Variants in HP1BP3 observed in about 807,000 individuals in gnomAD.
HP1BP3 encodes the protein heterochromatin protein 1 binding protein 3.
A neutral mutation model predicts 62.5 loss-of-function variants in HP1BP3; 12 were observed. That is an observed-to-expected ratio of 0.19 (90% CI 0.12 to 0.31). The LOEUF is 0.31. Ranked by LOEUF, HP1BP3 falls within the 10% of genes least tolerant of loss-of-function variation. HP1BP3 has a pLI of 1.00. For synonymous variants in HP1BP3, 260 were observed against 237.8 expected (o/e 1.09, Z -0.86); for missense variants, 502 against 651.8 (o/e 0.77, Z 2.50).
intron 11 of HP1BP3, 34 bp from the exon 12 acceptor site, chr1:20,745,690 C>A (rs775393440): frequency 3.7e-5 from 59 of 1,608,372 alleles, no homozygotes; most frequent in Non-Finnish European, 4.5e-5. Flanking sequence ...AAACACAAGT[C>A]CCATATAAAA....
At chr1:20,785,859 T>G (rs1000400751) in intron 1 of HP1BP3, among the ~76,000 whole-genome samples, 8 of 152,126 alleles carry the variant, frequency 5.3e-5, no homozygotes, top group Non-Finnish European at 8.8e-5. Flanking sequence ...AGCTAACAAG[T>G]TTTTTGCCTA....
intron 8 of HP1BP3, among the ~76,000 whole-genome samples, chr1:20,764,789 C>T (rs958942019): frequency 2.6e-5 from 4 of 151,256 alleles, no homozygotes; most frequent in East Asian, 3.9e-4. Context: ...GCAGGAAAAT[C>T]GCTTGAACCC....
At chr1:20,755,593 T>C (rs1006180689) in intron 9 of HP1BP3, among the ~76,000 whole-genome samples, 1 of 151,980 alleles carries the variant, frequency 6.6e-6, no homozygotes, top group Non-Finnish European at 1.5e-5. Flanking sequence ...ACAAAACGAC[T>C]TGAGCCCTTA....
intron 8 of HP1BP3, among the ~76,000 whole-genome samples, chr1:20,762,593 G>A (rs1274778971): frequency 6.6e-6 from 1 of 152,078 alleles, no homozygotes; most frequent in Non-Finnish European, 1.5e-5. Flanking sequence ...TGAGATAAAT[G>A]CATATCTGAT....
chr1:20,747,448 A>G (rs1055347358), intron 11 of HP1BP3, 96 bp downstream of exon 11: 15 of 776,790 alleles, frequency 1.9e-5, no homozygotes, highest in Non-Finnish European at 3.1e-5. Context: ...CTGTATTTCC[A>G]GTTCACTAAA....
intron 11 of HP1BP3, among the ~76,000 whole-genome samples, chr1:20,746,489 C>A (rs1487781592): frequency 1.3e-5 from 2 of 152,102 alleles, no homozygotes; most frequent in African/African-American, 4.8e-5. Flanking sequence ...AAGAAAGTTA[C>A]ACAATAGTCT....
intron 1 of HP1BP3, 124 bp from the exon 2 acceptor site, chr1:20,780,664 G>C (rs1046513599): frequency 9.0e-6 from 5 of 553,130 alleles, no homozygotes; most frequent in Admixed American, 6.1e-5. Flanking sequence ...AGTGACAGAT[G>C]ATTTGGTTAC....
At position 20,751,297 on chromosome 1, in the gene HP1BP3, A is replaced by AT. The variant is rs961287182; in HGVS notation, c.982-1416dup. On this transcript the variant is annotated intron_variant, in intron 9 of 12. Coordinates refer to ENST00000438032, the MANE Select transcript of HP1BP3 (RefSeq NM_001372052.1). ...TTCTGGGAATCTAAAGTTTTTTATGATTTTTTTTTTTTACTGCACGGGGGA... is the reference window on the plus strand; with the variant it reads ...TTCTGGGAATCTAAAGTTTTTTATGATTTTTTTTTTTTTACTGCACGGGGGA... Among the ~76,000 whole-genome samples the AT allele has an allele frequency of 5.6e-3, 807 of 145,004 alleles. 5 individuals carry two copies. Among genetic ancestry groups the AT allele is most frequent in the African/African-American group, 0.017 (670 of 39,764 alleles).
At chr1:20,768,888 T>C (rs1237044767) in intron 6 of HP1BP3, among the ~76,000 whole-genome samples, 1 of 152,158 alleles carries the variant, frequency 6.6e-6, no homozygotes, top group Non-Finnish European at 1.5e-5. Flanking sequence ...CCTACACTGC[T>C]ATCAATGCAG....
At chr1:20,775,723 C>A in intron 4 of HP1BP3, 1 of 364,522 alleles carries the variant, frequency 2.7e-6, no homozygotes, top group Non-Finnish European at 4.9e-6. Context: ...CAAATACTTA[C>A]CGTTGTGTTA....
intron 5 of HP1BP3, among the ~76,000 whole-genome samples, chr1:20,771,804 A>G (rs2057073392): frequency 6.6e-6 from 1 of 152,226 alleles, no homozygotes. Context: ...GAAACACACA[A>G]AAGTAGCATC....
chr1:20,763,509 C>T (rs144039176), intron 8 of HP1BP3, among the ~76,000 whole-genome samples: 85 of 152,284 alleles, frequency 5.6e-4, no homozygotes, highest in African/African-American at 2.0e-3. Context: ...TAATTGCATG[C>T]CTCAGTAATG....
At chr1:20,770,118 G>C (rs1281739825) in intron 6 of HP1BP3, among the ~76,000 whole-genome samples, 1 of 152,124 alleles carries the variant, frequency 6.6e-6, no homozygotes, top group Admixed American at 6.5e-5. Flanking sequence ...AGATAAAGTA[G>C]ATTTATGCCT....
intron 5 of HP1BP3, among the ~76,000 whole-genome samples, chr1:20,772,526 C>A (rs564212884): frequency 1.3e-5 from 2 of 151,752 alleles, no homozygotes; most frequent in African/African-American, 4.8e-5. Flanking sequence ...CATAAGAAGT[C>A]TTGAAGGAGT....
intron 3 of HP1BP3, 51 bp from the exon 4 acceptor site, chr1:20,776,801 G>A (rs1553164130): frequency 1.3e-6 from 2 of 1,493,826 alleles, no homozygotes; most frequent in Admixed American, 4.3e-5. Flanking sequence ...TCCAATCTGA[G>A]TCAATAAAAG....
chr1:20,785,032 C>T (rs927476031), intron 1 of HP1BP3, among the ~76,000 whole-genome samples: 2 of 152,148 alleles, frequency 1.3e-5, no homozygotes, highest in Admixed American at 1.3e-4. Context: ...GCGATCTCCT[C>T]CCACCTCAGC....
chr1:20,758,393 T>A (rs2056257084), intron 8 of HP1BP3, among the ~76,000 whole-genome samples: 1 of 152,064 alleles, frequency 6.6e-6, no homozygotes, highest in Non-Finnish European at 1.5e-5. Context: ...TCACCCAGGC[T>A]GGAGTGCAGT....
chr1:20,750,056 C>G, intron 9 of HP1BP3, 174 bp from the exon 10 acceptor site: 1 of 1,302,866 alleles, frequency 7.7e-7, no homozygotes, highest in Non-Finnish European at 1.0e-6. Context: ...TTCAATCTAA[C>G]TGAGAAGTCC....
intron 8 of HP1BP3, among the ~76,000 whole-genome samples, chr1:20,762,449 A>G (rs185486013): frequency 4.6e-5 from 7 of 152,326 alleles, no homozygotes; most frequent in East Asian, 1.9e-4. Context: ...CTCACCAAAA[A>G]GCAGAGAATA....
Sources: allele counts gnomAD v4.1 joint callset (sites outside exome capture counted in the v4.1 genomes callset), GRCh38; gene constraint gnomAD v4.1.1; transcripts MANE v1.5; gene names NCBI Gene and HGNC (gene_info 2026-07-23, HGNC 2026-07-21).